The following MRPS5 variants were observed in gnomAD, a reference collection of about 807,000 sequenced individuals.
MRPS5 encodes the protein mitochondrial ribosomal protein S5, also known as small ribosomal subunit protein uS5m.
Under a neutral mutation model 51.9 loss-of-function variants are expected in MRPS5, and 27 were observed. That is an observed-to-expected ratio of 0.52 (90% CI 0.38 to 0.72). The LOEUF is 0.72. Ranked by LOEUF, MRPS5 falls within the 30% of genes least tolerant of loss-of-function variation. The pLI, the probability that MRPS5 is intolerant of heterozygous loss-of-function variation, is 0.00. For synonymous variants in MRPS5, 196 were observed against 193.2 expected, an observed-to-expected ratio of 1.01 and a Z score of -0.12; for missense variants, 570 against 545.7, an observed-to-expected ratio of 1.04 and a Z score of -0.44.
chr2:95,100,751 A>G, intron 9 of MRPS5, 86 bp downstream of exon 9: 3 of 1,082,732 alleles, frequency 2.8e-6, no homozygotes, highest in Non-Finnish European at 4.0e-6. Context: ...GAGAAACACA[A>G]AGATACCTAT....
At chr2:95,116,554 G>C (rs1676289959) in intron 2 of MRPS5, among the ~76,000 whole-genome samples, 1 of 152,190 alleles carries the variant, frequency 6.6e-6, no homozygotes, top group Admixed American at 6.5e-5. Flanking sequence ...ACAGGAGATG[G>C]CATCAGCTTA....
intron 10 of MRPS5, among the ~76,000 whole-genome samples, chr2:95,097,177 A>G (rs1675651565): frequency 1.3e-5 from 2 of 152,214 alleles, no homozygotes. Context: ...TCACTGCTCA[A>G]TGAAATAAAA....
chr2:95,111,808 T>C (rs1339756907), intron 3 of MRPS5, among the ~76,000 whole-genome samples: 2 of 152,194 alleles, frequency 1.3e-5, no homozygotes, highest in Non-Finnish European at 2.9e-5. Context: ...CCTGTTTTTT[T>C]TAAATTTAAT....
At chr2:95,097,360 T>A (rs892175535) in intron 10 of MRPS5, among the ~76,000 whole-genome samples, 14 of 152,076 alleles carry the variant, frequency 9.2e-5, no homozygotes, top group Non-Finnish European at 1.3e-4. Flanking sequence ...ATATGGAGCA[T>A]ATGGAACCAA....
At chr2:95,107,076 A>C (rs1675972008) in intron 5 of MRPS5, among the ~76,000 whole-genome samples, 2 of 152,150 alleles carry the variant, frequency 1.3e-5, no homozygotes. Context: ...TTTATTTTCA[A>C]AATATTTTTA....
intron 3 of MRPS5, 26 bp downstream of exon 3, chr2:95,115,040 A>C (rs557485910): frequency 3.4e-6 from 5 of 1,484,546 alleles, no homozygotes; most frequent in African/African-American, 1.4e-5. Flanking sequence ...TTCAAGAAAC[A>C]GGAAGTTTGT....
chr2:95,121,757 G>T lies in MRPS5; in HGVS notation c.35C>A (p.Pro12His), dbSNP rs765099533. ...ATAVRAVGCL[P>H]VLCSGTAGHL... ...ACCTGCCGTCCCGCTACACAGCACGGGGAGGCAGCCCACAGCGCGCACCGC... is the reference window on the plus strand; with the variant it reads ...ACCTGCCGTCCCGCTACACAGCACGTGGAGGCAGCCCACAGCGCGCACCGC... The change falls in exon 1 of 12, where the codon CCC (proline) becomes CAC (histidine). Residue 12 changes from proline (P) to histidine (H), a missense_variant. Coordinates refer to ENST00000272418, the MANE Select transcript of MRPS5 (RefSeq NM_031902.5). The T allele has an allele frequency of 6.4e-7, 1 of 1,554,252 alleles. No individual in the cohort carries two copies. Among genetic ancestry groups the T allele is most frequent in the South Asian group, 1.2e-5 (1 of 85,128 alleles).
intron 3 of MRPS5, among the ~76,000 whole-genome samples, chr2:95,112,378 T>C (rs1447498517): frequency 2.0e-5 from 3 of 152,176 alleles, no homozygotes; most frequent in Admixed American, 6.5e-5. Context: ...ATGTTATATA[T>C]ATATACACAC....
intron 3 of MRPS5, among the ~76,000 whole-genome samples, chr2:95,111,810 A>T (rs1332457234): frequency 2.6e-5 from 4 of 152,154 alleles, no homozygotes; most frequent in South Asian, 2.1e-4. Flanking sequence ...TGTTTTTTTT[A>T]AATTTAATAT....
At chr2:95,111,105 T>C (rs1184105610) in intron 3 of MRPS5, among the ~76,000 whole-genome samples, 1 of 152,170 alleles carries the variant, frequency 6.6e-6, no homozygotes, top group Non-Finnish European at 1.5e-5. Flanking sequence ...AACACACACA[T>C]ATACACAGCT....
intron 10 of MRPS5, among the ~76,000 whole-genome samples, chr2:95,099,783 G>A (rs570912738): frequency 5.3e-4 from 80 of 152,266 alleles, no homozygotes; most frequent in South Asian, 4.1e-4. Flanking sequence ...TTATTTCCAA[G>A]CCATGGCTCT....
chr2:95,090,736 A>T (rs1458041866), intron 10 of MRPS5: 2 of 522,754 alleles, frequency 3.8e-6, no homozygotes, highest in Non-Finnish European at 6.8e-6. Context: ...AGAAGATGAC[A>T]TCTACAAATA....
intron 2 of MRPS5, among the ~76,000 whole-genome samples, chr2:95,116,017 T>C (rs1676276723): frequency 6.6e-6 from 1 of 151,818 alleles, no homozygotes; most frequent in Non-Finnish European, 1.5e-5. Flanking sequence ...GCGATTCTCC[T>C]GCCTCAGCCT....
chr2:95,118,992 G>C (rs1676367757), intron 1 of MRPS5, among the ~76,000 whole-genome samples: 2 of 152,122 alleles, frequency 1.3e-5, no homozygotes, highest in Admixed American at 6.5e-5. Flanking sequence ...AAAAAAAATA[G>C]ACAAATGAGA....
At chr2:95,106,585 C>T (rs1675957579) in intron 5 of MRPS5, 128 bp from the exon 6 acceptor site, 2 of 771,088 alleles carry the variant, frequency 2.6e-6, no homozygotes, top group Non-Finnish European at 4.5e-6. Flanking sequence ...TGGTCCCACT[C>T]TCAAGGCCAT....
At chr2:95,109,262 G>A (rs1182559489) in intron 4 of MRPS5, among the ~76,000 whole-genome samples, 1 of 152,120 alleles carries the variant, frequency 6.6e-6, no homozygotes, top group Non-Finnish European at 1.5e-5. Flanking sequence ...CTGGAAGTGT[G>A]GTGCCAGGTG....
chr2:95,098,047 C>A (rs1394804948), intron 10 of MRPS5, among the ~76,000 whole-genome samples: 2 of 152,166 alleles, frequency 1.3e-5, no homozygotes, highest in Admixed American at 1.3e-4. Flanking sequence ...AGGATATGAA[C>A]AGACACTTTT....
intron 10 of MRPS5, among the ~76,000 whole-genome samples, chr2:95,096,683 G>A (rs1252229881): frequency 2.6e-5 from 4 of 152,004 alleles, no homozygotes; most frequent in Non-Finnish European, 5.9e-5. Context: ...TTGATGGAAC[G>A]CATCTCAAAA....
At chr2:95,106,863 C>T (rs1675965912) in intron 5 of MRPS5, among the ~76,000 whole-genome samples, 1 of 152,144 alleles carries the variant, frequency 6.6e-6, no homozygotes, top group Non-Finnish European at 1.5e-5. Flanking sequence ...CTAGCCAGGC[C>T]TGAATCCATG....
Sources: gnomAD v4.1 joint callset for allele counts (sites outside exome capture counted in the v4.1 genomes callset) on GRCh38, gnomAD v4.1.1 for gene constraint, MANE v1.5 for transcripts, NCBI Gene and HGNC (gene_info 2026-07-23, HGNC 2026-07-21) for gene names.